Variants in GOLGA8H observed in about 807,000 individuals in gnomAD.
GOLGA8H encodes the protein golgin A8 family member H.
A neutral mutation model predicts 82.7 loss-of-function variants in GOLGA8H; 47 were observed. The observed-to-expected ratio is 0.57, with a 90% CI of 0.45 to 0.73. The LOEUF is 0.73. Ranked by LOEUF, GOLGA8H falls within the 30% of genes least tolerant of loss-of-function variation. GOLGA8H has a pLI of 0.00. For synonymous variants in GOLGA8H, 108 were observed against 241.6 expected, an observed-to-expected ratio of 0.45 and a Z score of 5.13; for missense variants, 372 against 661.0, an observed-to-expected ratio of 0.56 and a Z score of 4.79.
chr15:30,615,666 T>A lies in GOLGA8H; in HGVS notation c.*1105T>A, dbSNP rs1477925176. Reference sequence around the variant, plus strand: ...GAGTGAAGGAAAGCTGTGTGACACCTGGCATTCCTCTCTGTTCACGGAGAT... The same window carrying A: ...GAGTGAAGGAAAGCTGTGTGACACCAGGCATTCCTCTCTGTTCACGGAGAT... On this transcript the variant is annotated 3_prime_UTR_variant, in exon 19 of 19. Transcript: ENST00000566740. Among the ~76,000 whole-genome samples the A allele has an allele frequency of 2.1e-5, 3 of 143,032 alleles. No homozygotes were observed. Among genetic ancestry groups the A allele is most frequent in the Non-Finnish European group, 4.6e-5 (3 of 65,780 alleles). The allele number at this position is 143,032 out of a possible 152,430, so 93.8% of individuals were successfully genotyped here.
At position 30,608,644 on chromosome 15, in the gene GOLGA8H, C is replaced by T. The variant is rs560044918; in HGVS notation, c.482-3C>T. On this transcript the variant is annotated splice_region_variant and splice_polypyrimidine_tract_variant and intron_variant, in intron 7 of 18. Coordinates refer to ENST00000566740, the MANE Select transcript of GOLGA8H (RefSeq NM_001282490.2). ...GGGCCCCATCTCAACTTTCTCATTA[C>T]AGAAAAGTCCAAGGATCTGGCTGTC... 111 of 1,596,158 alleles carry T rather than the reference C, an allele frequency of 7.0e-5. No individual in the cohort carries two copies. In the Admixed American group the frequency reaches 1.8e-3, roughly 26 times the overall value.
rs1170965780 is a variant in GOLGA8H at position 30,616,137 on chromosome 15, T to C, written c.*1576T>C. 6.6e-6 allele frequency among the ~76,000 whole-genome samples: 1 copy of C among 152,030 alleles called. No homozygotes were observed. The highest frequency in any genetic ancestry group is 2.4e-5 in the African/African-American group (1 of 41,402). On this transcript the variant is annotated 3_prime_UTR_variant, in exon 19 of 19. Transcript: ENST00000566740. The stretch of plus-strand genomic sequence containing the variant: ...TGCCTATGCATGATGAATGAATGCA[T>C]TTCAGTTGTATATTGCCTAAATCGT...
At position 30,614,241 on chromosome 15, in the gene GOLGA8H, GA is replaced by G; in HGVS notation, c.1664del (p.Asp555ValfsTer25). The G allele has an allele frequency of 6.5e-7, 1 of 1,528,678 alleles. No homozygotes were observed. The highest frequency in any genetic ancestry group is 8.8e-7 in the Non-Finnish European group (1 of 1,139,954). 94.7% of individuals were successfully genotyped at this position (1,528,678 alleles called of 1,614,324 possible). Reference protein sequence around the residue: ...KFLAAAHNSADEPGPGAPAPQ... With the variant: ...KFLAAAHNSAXEPGPGAPAPQ... The stretch of plus-strand genomic sequence containing the variant: ...CCTGGCCGCTGCCCACAACTCTGCT[GA>G]TGAGCCCGGTCCAGGAGCCCCAGCC... On this transcript the variant is annotated frameshift_variant, in exon 18 of 19. Coordinates refer to ENST00000566740, the MANE Select transcript of GOLGA8H (RefSeq NM_001282490.2). LOFTEE classifies it high-confidence loss of function.
In GOLGA8H at chr15:30,605,907, C is replaced by T; in HGVS notation, c.113C>T (p.Thr38Ile). The change falls in exon 2 of 19, where the codon ACA becomes ATA. Residue 38 changes from threonine (T) to isoleucine (I), a missense_variant. By Grantham distance (89) the Thr-to-Ile change is moderately conservative (BLOSUM62 -1). Transcript: ENST00000566740. ...VPAGANRNRKTNGSVPEKATS... is the reference protein window; with the variant it reads ...VPAGANRNRKINGSVPEKATS... ...GCAGGAGCGAACAGGAACAGGAAAA[C>T]AAATGGCAGTGTCCCTGAGAAAGCC... The T allele has an allele frequency of 1.9e-6, 3 of 1,592,194 alleles. No individual in the cohort carries two copies. The highest frequency in any genetic ancestry group is 1.7e-6 in the Non-Finnish European group (2 of 1,175,376).
Position 30,609,996 on chromosome 15 carries a change from C to T in GOLGA8H, c.679-3C>T. ...TTCCTAAGTTCTGTGCCCATTCTTG[C>T]AGTTGAAGGAGTCATTTCAACAAGT... is the stretch of plus-strand genomic sequence containing the variant. On this transcript the variant is annotated splice_polypyrimidine_tract_variant and splice_region_variant and intron_variant, in intron 9 of 18. Coordinates refer to ENST00000566740, the MANE Select transcript of GOLGA8H (RefSeq NM_001282490.2). The T allele has an allele frequency of 6.2e-7, 1 of 1,611,246 alleles. No individual in the cohort carries two copies. Among genetic ancestry groups the T allele is most frequent in the Non-Finnish European group, 8.5e-7 (1 of 1,179,526 alleles).
intron 15 of GOLGA8H, 185 bp from the exon 16 acceptor site, chr15:30,613,576 GCCAGAGGCA>G: frequency 5.0e-6 from 1 of 200,158 alleles, no homozygotes; most frequent in Non-Finnish European, 7.0e-6. Context: ...CCCAGAAGGA[GCCAGAGGCA>G]GCCAGAGGCC....
At position 30,605,853 on chromosome 15, in the gene GOLGA8H, A is replaced by G; in HGVS notation, c.59A>G (p.Tyr20Cys). Residue 20 changes from tyrosine to cysteine, a missense_variant, in exon 2 of 19, where the codon TAT (tyrosine) becomes TGT (cysteine). Coordinates refer to ENST00000566740, the MANE Select transcript of GOLGA8H (RefSeq NM_001282490.2). ...TCTTCTTTCCAACAGTTAAAAGAAT[A>G]TTGGCAGAAAAACAGCCCTAGAGTT... is the stretch of plus-strand genomic sequence containing the variant. Reference protein sequence around the residue: ...LAAAKKKLKEYWQKNSPRVPA... With the variant: ...LAAAKKKLKECWQKNSPRVPA... 3 of 1,584,866 alleles carry G rather than the reference A, an allele frequency of 1.9e-6. No individual in the cohort carries two copies. Among genetic ancestry groups the G allele is most frequent in the Non-Finnish European group, 2.6e-6 (3 of 1,171,364 alleles).
intron 1 of GOLGA8H, among the ~76,000 whole-genome samples, 185 bp from the exon 2 acceptor site, chr15:30,605,657 TC>T (rs2059912724): frequency 6.6e-6 from 1 of 150,982 alleles, no homozygotes; most frequent in Admixed American, 6.6e-5. Context: ...ATTGCCTTTT[TC>T]TTTTTTTTTT....
chr15:30,611,470 C>G (rs1363175163), intron 13 of GOLGA8H, 124 bp downstream of exon 13: 6 of 1,537,306 alleles, frequency 3.9e-6, no homozygotes, highest in African/African-American at 1.4e-5. Context: ...CACAGCACCC[C>G]GCAGGGCAGT....
Position 30,608,637 on chromosome 15 carries a change from C to G in GOLGA8H, c.482-10C>G, listed in dbSNP as rs755495798. On this transcript the variant is annotated splice_polypyrimidine_tract_variant and intron_variant, in intron 7 of 18. Transcript: ENST00000566740. Reference sequence around the variant, plus strand: ...GTCCTTTGGGCCCCATCTCAACTTTCTCATTACAGAAAAGTCCAAGGATCT... The same window carrying G: ...GTCCTTTGGGCCCCATCTCAACTTTGTCATTACAGAAAAGTCCAAGGATCT... The G allele has an allele frequency of 8.1e-6, 13 of 1,599,810 alleles. No homozygotes were observed. The highest frequency in any genetic ancestry group is 1.0e-5 in the Non-Finnish European group (12 of 1,177,660).
rs548892124 is a variant in GOLGA8H at position 30,617,689 on chromosome 15, A to G, written c.*3128A>G. 2 of 152,420 alleles carry G rather than the reference A, an allele frequency of 1.3e-5. No homozygotes were observed. The highest frequency in any genetic ancestry group is 3.9e-4 in the East Asian group (2 of 5,176). 9.4% of individuals were successfully genotyped at this position (152,420 alleles called of 1,614,324 possible). A position where few individuals can be genotyped will look rare whatever the true frequency, so the allele number is the denominator to read the frequency against. On this transcript the variant is annotated 3_prime_UTR_variant, in exon 19 of 19. Coordinates refer to ENST00000566740, the MANE Select transcript of GOLGA8H (RefSeq NM_001282490.2). The stretch of plus-strand genomic sequence containing the variant: ...GAAATACTGAAAGATTTTTCCCTAG[A>G]GTGGCCTTATTGACTGCTGGTGTGA...
At chr15:30,607,801 C>G (rs2140819927) in intron 4 of GOLGA8H, 3 of 594,856 alleles carry the variant, frequency 5.0e-6, no homozygotes, top group South Asian at 2.0e-5. Flanking sequence ...GCTGTCCTCT[C>G]AAGAGATTCC....
Position 30,615,824 on chromosome 15 carries a change from GAA to G in GOLGA8H, c.*1265_*1266del, listed in dbSNP as rs1595646443. ...ATGGACAACACTTTAAAAAATAATA[GAA>G]ACATTATTATAAACTAATATATGTG... On this transcript the variant is annotated 3_prime_UTR_variant, in exon 19 of 19. Coordinates refer to ENST00000566740, the MANE Select transcript of GOLGA8H (RefSeq NM_001282490.2). Among the ~76,000 whole-genome samples the G allele has an allele frequency of 1.5e-5, 2 of 137,022 alleles. No homozygotes were observed. The highest frequency in any genetic ancestry group is 3.9e-4 in the East Asian group (2 of 5,114). The allele number at this position is 137,022 out of a possible 152,430, so 89.9% of individuals were successfully genotyped here.
intron 16 of GOLGA8H, 28 bp downstream of exon 16, chr15:30,613,898 G>T: frequency 6.3e-7 from 1 of 1,592,640 alleles, no homozygotes; most frequent in South Asian, 1.1e-5. Flanking sequence ...GCACGGCAGG[G>T]GGAGCTACAG....
At position 30,615,743 on chromosome 15, in the gene GOLGA8H, C is replaced by G. The variant is rs1595646235; in HGVS notation, c.*1182C>G. ...CCATCTAGACCTCTTTGGCTAATAC[C>G]TATTCTTCAACCACCTTGGTTACTC... On this transcript the variant is annotated 3_prime_UTR_variant, in exon 19 of 19. Coordinates refer to ENST00000566740, the MANE Select transcript of GOLGA8H (RefSeq NM_001282490.2). Among the ~76,000 whole-genome samples the G allele has an allele frequency of 7.6e-6, 1 of 130,804 alleles. No individual in the cohort carries two copies. Among genetic ancestry groups the G allele is most frequent in the African/African-American group, 3.1e-5 (1 of 31,872 alleles). 85.8% of individuals were successfully genotyped at this position (130,804 alleles called of 152,430 possible).
rs1357688849 is a variant in GOLGA8H at position 30,609,776 on chromosome 15, G to A, written c.592-30G>A. 3.9e-6 allele frequency: 6 copies of A among 1,547,582 alleles called. No individual in the cohort carries two copies. The African/African-American group carries it at 8.3e-5, about 21-fold the overall frequency. The stretch of plus-strand genomic sequence containing the variant: ...TGTGTGGAAATGCCCAGGCTCTCCA[G>A]ATTGAAACTTCTCACTCTTCACCAT... On this transcript the variant is annotated intron_variant, in intron 8 of 18. Coordinates refer to ENST00000566740, the MANE Select transcript of GOLGA8H (RefSeq NM_001282490.2).
intron 1 of GOLGA8H, 60 bp from the exon 2 acceptor site, chr15:30,605,783 G>A (rs1475871124): frequency 6.3e-7 from 1 of 1,583,630 alleles, no homozygotes; most frequent in African/African-American, 1.4e-5. Flanking sequence ...AACTGTAAAG[G>A]AGGATGTGGC....
Position 30,611,451 on chromosome 15 carries a change from G to A in GOLGA8H, c.1200+105G>A, listed in dbSNP as rs928796620. ...GCCAGAGGCAGCTTCCAGCCTGGGGGCTGGTGACCACAGCACCCCGCAGGG... is the reference window on the plus strand; with the variant it reads ...GCCAGAGGCAGCTTCCAGCCTGGGGACTGGTGACCACAGCACCCCGCAGGG... On this transcript the variant is annotated intron_variant, in intron 13 of 18. Coordinates refer to ENST00000566740, the MANE Select transcript of GOLGA8H (RefSeq NM_001282490.2). The A allele has an allele frequency of 3.9e-5, 60 of 1,530,174 alleles. 2 individuals carry two copies. The East Asian group carries it at 4.1e-4, about 10-fold the overall frequency. The allele number at this position is 1,530,174 out of a possible 1,614,324, so 94.8% of individuals were successfully genotyped here.
rs1373262940 is a variant in GOLGA8H at position 30,609,808 on chromosome 15, G to A, written c.594G>A (p.Leu198=). ...ACTTCTCACTCTTCACCATCCAGTT[G>A]TCCAGCCGCAGCAAAGCACGTACGG... ...MATQKKKANQ[L]SSRSKARTEW... is the part of the protein sequence containing the mutation. Residue 198 remains leucine (L), a splice_region_variant and synonymous_variant, in exon 9 of 19, where the codon TTG becomes TTA. Coordinates refer to ENST00000566740, the MANE Select transcript of GOLGA8H (RefSeq NM_001282490.2). The A allele has an allele frequency of 6.5e-7, 1 of 1,528,580 alleles. No individual in the cohort carries two copies. Among genetic ancestry groups the A allele is most frequent in the Non-Finnish European group, 8.9e-7 (1 of 1,119,076 alleles). The allele number at this position is 1,528,580 out of a possible 1,614,324, so 94.7% of individuals were successfully genotyped here. A position where few individuals can be genotyped will look rare whatever the true frequency, so the allele number is the denominator to read the frequency against.
Sources: gnomAD v4.1 joint callset for allele counts (sites outside exome capture counted in the v4.1 genomes callset) on GRCh38, gnomAD v4.1.1 for gene constraint, MANE v1.5 for transcripts, NCBI Gene and HGNC (gene_info 2026-07-23, HGNC 2026-07-21) for gene names.